Variants in CWH43 observed in about 807,000 individuals in gnomAD.
The protein encoded by CWH43 is PGAP2-interacting protein.
A neutral mutation model predicts 85.7 loss-of-function variants in CWH43; 91 were observed. That is an observed-to-expected ratio of 1.06 (90% CI 0.90 to 1.26). The LOEUF is 1.26. CWH43 is among the 50% of genes most tolerant of loss of function. The probability of loss-of-function intolerance (pLI) is 0.00; values close to 1 mark genes in which losing one functional copy is unlikely to be tolerated. For synonymous variants in CWH43, 323 were observed against 293.6 expected (o/e 1.10, Z -1.02); for missense variants, 869 against 839.2 (o/e 1.04, Z -0.44).
In CWH43 at chr4:48,994,530, C is replaced by T. The variant is rs191449290; in HGVS notation, c.512-89C>T. 7.2e-4 allele frequency: 787 copies of T among 1,095,128 alleles called. 6 individuals are homozygous for T. The highest frequency in any genetic ancestry group is 8.9e-5 in the Non-Finnish European group (65 of 732,438). The allele number at this position is 1,095,128 out of a possible 1,614,324, so 67.8% of individuals were successfully genotyped here. Reference sequence around the variant, plus strand: ...AAGTAAGCTTCTTGAAGCCAAATACCATTTCTTCCTTGCTAAAAGTCTGCT... The same window carrying T: ...AAGTAAGCTTCTTGAAGCCAAATACTATTTCTTCCTTGCTAAAAGTCTGCT... On this transcript the variant is annotated intron_variant, in intron 4 of 15. Transcript: ENST00000226432.
intron 1 of CWH43, 141 bp from the exon 2 acceptor site, chr4:48,988,336 T>A: frequency 4.2e-6 from 2 of 473,426 alleles, no homozygotes; most frequent in South Asian, 5.5e-5. Flanking sequence ...TCCATGTCAG[T>A]GGAGACAACT....
chr4:49,044,259 T>A (rs1230520802), intron 13 of CWH43, among the ~76,000 whole-genome samples: 1 of 152,212 alleles, frequency 6.6e-6, no homozygotes, highest in African/African-American at 2.4e-5. Flanking sequence ...ATGTTCTTAT[T>A]TCCATGATTC....
At chr4:49,059,831 C>T (rs12696828) in intron 15 of CWH43, among the ~76,000 whole-genome samples, 28,056 of 151,926 alleles carry the variant, frequency 0.18, 3,117 homozygotes, top group Middle Eastern at 0.26. Context: ...GAGAGCCAAC[C>T]TGATTCCTGG....
intron 6 of CWH43, among the ~76,000 whole-genome samples, chr4:49,002,362 T>C (rs1430809148): frequency 1.3e-5 from 2 of 152,238 alleles, no homozygotes; most frequent in Non-Finnish European, 2.9e-5. Flanking sequence ...GTATTATATG[T>C]ACATTAAAAT....
chr4:48,994,712 T>G lies in CWH43; in HGVS notation c.605T>G (p.Phe202Cys). 6.2e-7 allele frequency: 1 copy of G among 1,614,212 alleles called. No homozygotes were observed. Among genetic ancestry groups the G allele is most frequent in the South Asian group, 1.1e-5 (1 of 91,086 alleles). The change falls in exon 5 of 16, where the codon TTT (phenylalanine) becomes TGT (cysteine). Residue 202 changes from phenylalanine (F) to cysteine (C), a missense_variant. Coordinates refer to ENST00000226432, the MANE Select transcript of CWH43 (RefSeq NM_025087.3). Reference sequence around the variant, plus strand: ...AACTGGCTGCTGGCAGGGGCTGCTTTTGGTAGCCTTGTGTTCCTCACCCAC... The same window carrying G: ...AACTGGCTGCTGGCAGGGGCTGCTTGTGGTAGCCTTGTGTTCCTCACCCAC... ...RPNWLLAGAA[F>C]GSLVFLTHWV...
At chr4:48,986,891 A>C (rs1435683076) in intron 1 of CWH43, 2 of 843,820 alleles carry the variant, frequency 2.4e-6, no homozygotes, top group Non-Finnish European at 2.9e-6. Context: ...TTTCCCCAGG[A>C]GCTGTAGGTG....
In CWH43 at chr4:49,028,662, C is replaced by G. The variant is rs1291302424; in HGVS notation, c.1300C>G (p.Pro434Ala). Residue 434 changes from proline to alanine, a missense_variant, in exon 10 of 16, where the codon CCT becomes GCT. By Grantham distance (27) the Pro-to-Ala change is conservative. This residue lies in a region of CWH43 where 577 missense variants were observed against 513.1 expected (regional missense o/e 1.12). Transcript: ENST00000226432. ...CAAAGAGGTCTCTGCTGCCATCTGG[C>G]CTTTCAGGTTTGGATATGACAATGA... ...PTKEVSAAIW[P>A]FRFGYDNEGW... The G allele has an allele frequency of 1.9e-6, 3 of 1,613,530 alleles. No individual in the cohort carries two copies. Among genetic ancestry groups the G allele is most frequent in the South Asian group, 2.2e-5 (2 of 91,044 alleles).
intron 9 of CWH43, among the ~76,000 whole-genome samples, chr4:49,022,782 A>G (rs1452078539): frequency 2.0e-5 from 3 of 151,902 alleles, no homozygotes; most frequent in African/African-American, 7.3e-5. Flanking sequence ...TAGGAGGGCT[A>G]TATATTTCCA....
Position 49,056,184 on chromosome 4 carries a change from C to T in CWH43, c.2021+5335C>T, listed in dbSNP as rs371289521. ...TGCGGTGTTTGGTTTTTTGTTCTTG[C>T]GATAGTTTACTGAGAATGATGGTTT... On this transcript the variant is annotated intron_variant, in intron 15 of 15. Coordinates refer to ENST00000226432, the MANE Select transcript of CWH43 (RefSeq NM_025087.3). 5.1e-3 allele frequency among the ~76,000 whole-genome samples: 760 copies of T among 148,382 alleles called. 1 individual carries two copies. Among genetic ancestry groups the T allele is most frequent in the Middle Eastern group, 0.014 (4 of 286 alleles).
At chr4:49,037,560 A>G (rs1342690157) in intron 12 of CWH43, among the ~76,000 whole-genome samples, 1 of 126,052 alleles carries the variant, frequency 7.9e-6, no homozygotes, top group Non-Finnish European at 1.8e-5. Flanking sequence ...TCAGTGTGAG[A>G]CTCTGTCTCA....
intron 8 of CWH43, 156 bp from the exon 9 acceptor site, chr4:49,017,093 G>T: frequency 1.3e-6 from 1 of 746,136 alleles, no homozygotes; most frequent in Admixed American, 2.0e-5. Context: ...AGCTCCCCAA[G>T]ACTCTTCTTC....
intron 6 of CWH43, among the ~76,000 whole-genome samples, chr4:48,999,131 A>G (rs1254566706): frequency 6.6e-6 from 1 of 152,174 alleles, no homozygotes; most frequent in East Asian, 1.9e-4. Context: ...CTTTGTGTCC[A>G]TGTGCTCTCA....
At chr4:49,005,311 G>T (rs933308455) in intron 7 of CWH43, among the ~76,000 whole-genome samples, 2 of 151,986 alleles carry the variant, frequency 1.3e-5, no homozygotes, top group African/African-American at 4.8e-5. Flanking sequence ...ACCCTGACAG[G>T]GTACATTGTA....
intron 9 of CWH43, among the ~76,000 whole-genome samples, chr4:49,018,002 A>ATT: frequency 6.8e-6 from 1 of 146,764 alleles, no homozygotes; most frequent in South Asian, 2.1e-4. Flanking sequence ...TGCCCGGCTA[A>ATT]TTTTTTTTTT....
At position 49,016,800 on chromosome 4, in the gene CWH43, T is replaced by C. The variant is rs922150720; in HGVS notation, c.1187-449T>C. The C allele has an allele frequency of 3.6e-5, 28 of 776,652 alleles. No homozygotes were observed. In the African/African-American group the frequency reaches 3.9e-4, roughly 11 times the overall value. The allele number at this position is 776,652 out of a possible 1,614,324, so 48.1% of individuals were successfully genotyped here. The stretch of plus-strand genomic sequence containing the variant: ...AATGCAGGTGATTACTCCAAGTCCC[T>C]CTGCCAGAGCACGGGCCACTTTCTG... On this transcript the variant is annotated intron_variant, in intron 8 of 15. Coordinates refer to ENST00000226432, the MANE Select transcript of CWH43 (RefSeq NM_025087.3).
intron 14 of CWH43, among the ~76,000 whole-genome samples, chr4:49,049,467 T>A (rs1784727903): frequency 6.6e-6 from 1 of 151,980 alleles, no homozygotes; most frequent in Non-Finnish European, 1.5e-5. Context: ...CTCTACCTGG[T>A]AGCTGTCACA....
intron 15 of CWH43, among the ~76,000 whole-genome samples, chr4:49,060,172 G>T (rs938239743): frequency 6.6e-6 from 1 of 152,058 alleles, no homozygotes; most frequent in African/African-American, 2.4e-5. Context: ...GGGTGGCCTG[G>T]AGCTGGTTGC....
intron 12 of CWH43, among the ~76,000 whole-genome samples, chr4:49,036,747 G>C (rs998259150): frequency 2.6e-5 from 4 of 152,140 alleles, no homozygotes; most frequent in African/African-American, 9.7e-5. Flanking sequence ...TAGCCAATGG[G>C]AGGCACTAGT....
chr4:49,031,276 C>CA lies in CWH43; in HGVS notation c.1508+323dup, dbSNP rs1176927594. On this transcript the variant is annotated intron_variant, in intron 11 of 15. Transcript: ENST00000226432. ...GTAAGACAGAAAATCAACATGTACACAAAAAAATAAATAAGGTACTTCACA... is the reference window on the plus strand; with the variant it reads ...GTAAGACAGAAAATCAACATGTACACAAAAAAAATAAATAAGGTACTTCACA... 1.0e-4 allele frequency: 23 copies of CA among 230,194 alleles called. 1 individual carries two copies. Among genetic ancestry groups the CA allele is most frequent in the Admixed American group, 9.3e-4 (17 of 18,310 alleles). 14.3% of individuals were successfully genotyped at this position (230,194 alleles called of 1,614,324 possible).
Sources: gnomAD v4.1 joint callset for allele counts (sites outside exome capture counted in the v4.1 genomes callset) on GRCh38, gnomAD v4.1.1 for gene constraint, gnomAD v4.1.1 regional missense constraint, MANE v1.5 for transcripts, NCBI Gene and HGNC (gene_info 2026-07-23, HGNC 2026-07-21) for gene names.